Variants in VRK3 observed in about 807,000 individuals in gnomAD.
VRK3 encodes VRK serine/threonine kinase 3.
VRK3 carries 50 observed loss-of-function variants against 60.4 expected under a neutral mutation model. The ratio of observed to expected loss-of-function variants is 0.83; its 90% confidence interval spans 0.66 to 1.05. VRK3 has a LOEUF of 1.05. Ranked by LOEUF, VRK3 falls within the 50% of genes least tolerant of loss-of-function variation. The pLI is 0.00. For missense variants in VRK3, 549 were observed against 585.3 expected, an observed-to-expected ratio of 0.94 and a Z score of 0.64; for synonymous variants, 246 against 227.8, an observed-to-expected ratio of 1.08 and a Z score of -0.72.
At chr19:49,994,033 C>T (rs1600675745) in intron 9 of VRK3, among the ~76,000 whole-genome samples, 2 of 152,174 alleles carry the variant, frequency 1.3e-5, no homozygotes, top group South Asian at 4.1e-4. Flanking sequence ...TGCGAGGCCC[C>T]GTGTGATGTG....
chr19:49,997,708 G>A, intron 6 of VRK3, 138 bp from the exon 7 acceptor site: 1 of 823,234 alleles, frequency 1.2e-6, no homozygotes, highest in East Asian at 2.7e-5. Flanking sequence ...AATTCCTCAG[G>A]TACTGCACAC....
chr19:49,981,316 G>C (rs1004396104), intron 12 of VRK3: 2 of 346,020 alleles, frequency 5.8e-6, no homozygotes, highest in Admixed American at 4.3e-5. Flanking sequence ...GGAGGCCGAG[G>C]GGGGTGGATC....
Position 50,000,805 on chromosome 19 carries a change from C to T in VRK3, c.597G>A (p.Lys199=). Residue 199 remains lysine, a synonymous_variant, in exon 6 of 15, where the codon AAG becomes AAA. Transcript: ENST00000316763. ...LTCDSGPQKQ[K]FSLKLDAKDG... ...GGTCACTTACCAGTTTGAGTGAGAA[C>T]TTTTGCTTCTGTGGTCCTGAGTCAC... The T allele has an allele frequency of 1.9e-6, 3 of 1,613,730 alleles. No homozygotes were observed. Among genetic ancestry groups the T allele is most frequent in the Non-Finnish European group, 2.5e-6 (3 of 1,179,840 alleles).
chr19:49,999,592 G>C (rs1345624622), intron 6 of VRK3: 1 of 152,306 alleles, frequency 6.6e-6, no homozygotes, highest in Non-Finnish European at 1.5e-5. Context: ...CCAGTGGATG[G>C]GGAGGGTGAA....
intron 9 of VRK3, among the ~76,000 whole-genome samples, chr19:49,993,220 C>T (rs2076642468): frequency 6.6e-6 from 1 of 152,188 alleles, no homozygotes; most frequent in Non-Finnish European, 1.5e-5. Context: ...TAGCTGATGA[C>T]AAACTCAGCA....
chr19:50,007,598 G>A lies in VRK3; in HGVS notation c.518C>T (p.Thr173Ile). ...GRQWKLKSFQ[T>I]RDNQGILYEA... ...ATAGAGAATGCCCTGGTTGTCCCTG[G>A]TCTGGAAGGACTTCAGCTTCCACTG... The change falls in exon 5 of 15, where the codon ACC becomes ATC. Residue 173 changes from threonine (T) to isoleucine (I), a missense_variant. Coordinates refer to ENST00000316763, the MANE Select transcript of VRK3 (RefSeq NM_016440.4). 1 of 1,614,202 alleles carries A rather than the reference G, an allele frequency of 6.2e-7. No homozygotes were observed. Among genetic ancestry groups the A allele is most frequent in the Non-Finnish European group, 8.5e-7 (1 of 1,180,040 alleles).
intron 9 of VRK3, among the ~76,000 whole-genome samples, chr19:49,993,862 C>T (rs1315065481): frequency 6.6e-6 from 1 of 152,128 alleles, no homozygotes; most frequent in East Asian, 1.9e-4. Flanking sequence ...TGTCCTCTCC[C>T]ACATGGACCC....
In VRK3 at chr19:49,979,108, G is replaced by C. The variant is rs1292697947; in HGVS notation, c.1411C>G (p.Pro471Ala). The C allele has an allele frequency of 6.2e-7, 1 of 1,610,068 alleles. No homozygotes were observed. The highest frequency in any genetic ancestry group is 8.5e-7 in the Non-Finnish European group (1 of 1,177,298). Reference protein sequence around the residue: ...RVSPYDPIGLPMVP With the variant: ...RVSPYDPIGLAMVP Reference sequence around the variant, plus strand: ...CTGGATTCCACCTAGGGCACCATCGGGAGGCCAATGGGGTCATATGGAGAC... The same window carrying C: ...CTGGATTCCACCTAGGGCACCATCGCGAGGCCAATGGGGTCATATGGAGAC... Residue 471 changes from proline to alanine, a missense_variant, in exon 14 of 15, where the codon CCG (proline) becomes GCG (alanine). By Grantham distance (27) the Pro-to-Ala change is conservative. Coordinates refer to ENST00000316763, the MANE Select transcript of VRK3 (RefSeq NM_016440.4).
At chr19:50,016,950 G>T (rs1472648561) in intron 2 of VRK3, among the ~76,000 whole-genome samples, 1 of 136,778 alleles carries the variant, frequency 7.3e-6, no homozygotes, top group East Asian at 2.0e-4. Context: ...AGCGCTTTGG[G>T]AGGCCATCAC....
chr19:49,995,222 T>C lies in VRK3; in HGVS notation c.733A>G (p.Met245Val), dbSNP rs1404811999. Residue 245 changes from methionine to valine, a missense_variant, in exon 8 of 15, where the codon ATG (methionine) becomes GTG (valine). Physicochemically the swap from Met to Val is conservative, Grantham distance 21. Transcript: ENST00000316763. ...TTGTCCTGGTGAACACCGAAACCCA[T>C]GCAGGTAGGGATGGCCAGCAGTGGG... ...STPLLAIPTC[M>V]GFGVHQDKYR... is the part of the protein sequence containing the mutation. 4 of 1,614,048 alleles carry C rather than the reference T, an allele frequency of 2.5e-6. No individual in the cohort carries two copies. The highest frequency in any genetic ancestry group is 1.7e-5 in the Admixed American group (1 of 59,998).
In VRK3 at chr19:49,995,262, C is replaced by T; in HGVS notation, c.693G>A (p.Lys231=). ...AAKPLQVNKW[K]KLYSTPLLAI... ...CCAGCAGTGGGGTCGAGTACAGCTT[C>T]TTCCACTTGTTGACTGCGGAAAGCA... The change falls in exon 8 of 15, where the codon AAG becomes AAA. Residue 231 remains lysine, a synonymous_variant. Transcript: ENST00000316763. 1.2e-6 allele frequency: 2 copies of T among 1,614,202 alleles called. No individual in the cohort carries two copies. Among genetic ancestry groups the T allele is most frequent in the Non-Finnish European group, 1.7e-6 (2 of 1,180,020 alleles).
chr19:49,979,351 G>C, intron 13 of VRK3, 109 bp from the exon 14 acceptor site: 1 of 1,490,588 alleles, frequency 6.7e-7, no homozygotes, highest in South Asian at 1.2e-5. Flanking sequence ...AGGGGCATGA[G>C]GGTCTCAGCA....
chr19:49,991,324 T>C (rs940052833), intron 10 of VRK3, among the ~76,000 whole-genome samples: 12 of 152,168 alleles, frequency 7.9e-5, no homozygotes, highest in African/African-American at 2.7e-4. Flanking sequence ...CCCTGACTGC[T>C]TGAGCTAGAA....
chr19:49,980,472 T>C (rs1388863659), intron 13 of VRK3, among the ~76,000 whole-genome samples: 2 of 152,030 alleles, frequency 1.3e-5, no homozygotes, highest in Non-Finnish European at 2.9e-5. Context: ...TCCCAGCACT[T>C]TGGGAGGCCG....
At chr19:49,984,084 A>G (rs767772009) in intron 12 of VRK3, among the ~76,000 whole-genome samples, 1 of 152,204 alleles carries the variant, frequency 6.6e-6, no homozygotes, top group Non-Finnish European at 1.5e-5. Context: ...AACCAGTCAC[A>G]TTCAACAAGT....
In VRK3 at chr19:49,976,510, G is replaced by T. The variant is rs2076333663; in HGVS notation, c.*286C>A. ...TTACCAAAGCACAGAGGTGTCAAGGGTAGGAGGGGTCCCCCCTGTGGGCCG... is the reference window on the plus strand; with the variant it reads ...TTACCAAAGCACAGAGGTGTCAAGGTTAGGAGGGGTCCCCCCTGTGGGCCG... On this transcript the variant is annotated 3_prime_UTR_variant, in exon 15 of 15. Transcript: ENST00000316763. 1 of 152,658 alleles carries T rather than the reference G, an allele frequency of 6.6e-6. No individual in the cohort carries two copies. The highest frequency in any genetic ancestry group is 6.5e-5 in the Admixed American group (1 of 15,278). 9.5% of individuals were successfully genotyped at this position (152,658 alleles called of 1,614,324 possible). A position where few individuals can be genotyped will look rare whatever the true frequency, so the allele number is the denominator to read the frequency against.
At position 49,994,824 on chromosome 19, in the gene VRK3, G is replaced by C. The variant is rs1337463597; in HGVS notation, c.860C>G (p.Ala287Gly). 4 of 1,613,416 alleles carry C rather than the reference G, an allele frequency of 2.5e-6. No homozygotes were observed. The highest frequency in any genetic ancestry group is 3.4e-6 in the Non-Finnish European group (4 of 1,179,598). Residue 287 changes from alanine (A) to glycine (G), a missense_variant, in exon 9 of 15, where the codon GCC becomes GGC. Coordinates refer to ENST00000316763, the MANE Select transcript of VRK3 (RefSeq NM_016440.4). ...CTTCTGGGTACGCACCAGCCGGCAGGCCACCTGCAGCACAGACCTCTCTGA... is the reference window on the plus strand; with the variant it reads ...CTTCTGGGTACGCACCAGCCGGCAGCCCACCTGCAGCACAGACCTCTCTGA... ...VLSERSVLQV[A>G]CRLLDALEFL...
At chr19:50,007,503 G>C in intron 5 of VRK3, 66 bp downstream of exon 5, 1 of 1,594,712 alleles carries the variant, frequency 6.3e-7, no homozygotes, top group Non-Finnish European at 8.6e-7. Context: ...TCTCAGAACG[G>C]GGTCCCCTCC....
chr19:50,022,741 C>T (rs1357281236), intron 1 of VRK3, among the ~76,000 whole-genome samples: 1 of 152,132 alleles, frequency 6.6e-6, no homozygotes, highest in Non-Finnish European at 1.5e-5. Context: ...TTGCAATGAG[C>T]CAAGATTGCA....
Sources: allele counts gnomAD v4.1 joint callset (sites outside exome capture counted in the v4.1 genomes callset), GRCh38; gene constraint gnomAD v4.1.1; transcripts MANE v1.5; gene names NCBI Gene and HGNC (gene_info 2026-07-23, HGNC 2026-07-21).